Variants in CNTN5 observed in about 807,000 individuals in gnomAD.
CNTN5 encodes the protein contactin 5.
Under a neutral mutation model 129.1 loss-of-function variants are expected in CNTN5, and 77 were observed. The ratio of observed to expected loss-of-function variants is 0.60; its 90% CI spans 0.50 to 0.72. The LOEUF (loss-of-function observed/expected upper bound fraction) is 0.72. CNTN5 is among the 30% of genes least tolerant of loss of function. The pLI, the probability that CNTN5 is intolerant of heterozygous loss-of-function variation, is 0.00. For missense variants in CNTN5, 1,478 were observed against 1,328.8 expected (o/e 1.11, Z -1.75); for synonymous variants, 509 against 465.6 (o/e 1.09, Z -1.20).
At chr11:100,110,839 T>C (rs1040065322) in intron 13 of CNTN5, among the ~76,000 whole-genome samples, 1 of 152,124 alleles carries the variant, frequency 6.6e-6, no homozygotes, top group Non-Finnish European at 1.5e-5. Context: ...CAGCCTGGGA[T>C]GGTTTATTTG....
At chr11:99,512,268 C>T (rs1014014079) in intron 2 of CNTN5, among the ~76,000 whole-genome samples, 7 of 152,116 alleles carry the variant, frequency 4.6e-5, no homozygotes, top group African/African-American at 1.7e-4. Flanking sequence ...CATTGTCTTC[C>T]AATTGCCTAT....
At chr11:99,826,774 C>G (rs1349747540) in intron 4 of CNTN5, among the ~76,000 whole-genome samples, 1 of 152,058 alleles carries the variant, frequency 6.6e-6, no homozygotes, top group Non-Finnish European at 1.5e-5. Flanking sequence ...AAAATTTTAT[C>G]TGTGTTAACA....
chr11:99,391,153 G>A (rs1941239066), intron 2 of CNTN5, among the ~76,000 whole-genome samples: 1 of 151,962 alleles, frequency 6.6e-6, no homozygotes, highest in Non-Finnish European at 1.5e-5. Flanking sequence ...CAATGTGAAA[G>A]GTAAAGTCTC....
intron 1 of CNTN5, among the ~76,000 whole-genome samples, chr11:99,169,183 T>C (rs1173953171): frequency 2.0e-5 from 3 of 152,198 alleles, no homozygotes; most frequent in Non-Finnish European, 4.4e-5. Context: ...GCCCTTATTT[T>C]AGAAAACTTT....
chr11:99,887,146 T>C (rs1036266554), intron 6 of CNTN5, among the ~76,000 whole-genome samples: 1 of 152,244 alleles, frequency 6.6e-6, no homozygotes, highest in African/African-American at 2.4e-5. Context: ...TTTATTTCTT[T>C]ATGTTCATGT....
chr11:99,250,511 A>G (rs1177506417), intron 1 of CNTN5, among the ~76,000 whole-genome samples: 5 of 151,556 alleles, frequency 3.3e-5, no homozygotes, highest in African/African-American at 1.2e-4. Context: ...TAATGAAATC[A>G]GCTGTAGCAA....
chr11:99,537,682 G>T (rs894222063), intron 2 of CNTN5, among the ~76,000 whole-genome samples: 1 of 152,094 alleles, frequency 6.6e-6, no homozygotes, highest in Non-Finnish European at 1.5e-5. Flanking sequence ...AGCTCATGTT[G>T]TCTGTGGCAT....
At chr11:99,456,417 G>A (rs1591089772) in intron 2 of CNTN5, among the ~76,000 whole-genome samples, 1 of 152,108 alleles carries the variant, frequency 6.6e-6, no homozygotes, top group African/African-American at 2.4e-5. Context: ...ATATCGAAAA[G>A]TAAAACACAT....
At chr11:99,355,622 A>G (rs1938592860) in intron 2 of CNTN5, among the ~76,000 whole-genome samples, 1 of 152,136 alleles carries the variant, frequency 6.6e-6, no homozygotes, top group South Asian at 2.1e-4. Flanking sequence ...TTTTGTGCTC[A>G]TGCTTGTGAT....
chr11:100,186,587 A>G (rs1023445757), intron 13 of CNTN5, among the ~76,000 whole-genome samples: 2 of 152,152 alleles, frequency 1.3e-5, no homozygotes, highest in African/African-American at 4.8e-5. Context: ...AGGGCTAGAT[A>G]GAAACTTATG....
rs200042502 is a variant in CNTN5 at position 99,954,663 on chromosome 11, TG to T, written c.674-2142del. On this transcript the variant is annotated intron_variant, in intron 7 of 24. Coordinates refer to ENST00000524871, the MANE Select transcript of CNTN5 (RefSeq NM_014361.4). ...TACTTTGAAGGCAATATTAAATAAATGTGAATAGATAATTGAAAACCTTATA... is the reference window on the plus strand; with the variant it reads ...TACTTTGAAGGCAATATTAAATAAATTGAATAGATAATTGAAAACCTTATA... Among the ~76,000 whole-genome samples, 70 of 152,292 alleles carry T rather than the reference TG, an allele frequency of 4.6e-4. No individual in the cohort carries two copies. In the East Asian group the frequency reaches 0.013, roughly 28 times the overall value.
In CNTN5 at chr11:99,242,464, C is replaced by A. The variant is rs577958788; in HGVS notation, c.-209-82882C>A. 1.5e-4 allele frequency among the ~76,000 whole-genome samples: 23 copies of A among 152,164 alleles called. 1 individual carries two copies. The South Asian group carries it at 4.8e-3, about 32-fold the overall frequency. On this transcript the variant is annotated intron_variant, in intron 1 of 24. Transcript: ENST00000524871. Reference sequence around the variant, plus strand: ...TCTCCTGCCACAAGAATGTAAGCTCCATTAGGGCAAACTTTTTTTTTCTTT... The same window carrying A: ...TCTCCTGCCACAAGAATGTAAGCTCAATTAGGGCAAACTTTTTTTTTCTTT...
intron 3 of CNTN5, among the ~76,000 whole-genome samples, chr11:99,694,587 G>T (rs1954183516): frequency 6.6e-6 from 1 of 151,982 alleles, no homozygotes; most frequent in Non-Finnish European, 1.5e-5. Context: ...TGTTACTTAG[G>T]TATACACGTG....
rs183967672 is a variant in CNTN5 at position 99,621,081 on chromosome 11, G to A, written c.55+64812G>A. On this transcript the variant is annotated intron_variant, in intron 3 of 24. Transcript: ENST00000524871. ...TGGAGTACGGCGTCTGTGGTAGAAC[G>A]GGCAACTATAATACAAAGATACTTA... Among the ~76,000 whole-genome samples the A allele has an allele frequency of 3.5e-3, 528 of 152,100 alleles. 3 individuals carry two copies. The highest frequency in any genetic ancestry group is 0.012 in the African/African-American group (503 of 41,486).
At chr11:100,338,191 A>G (rs540905934) in intron 21 of CNTN5, among the ~76,000 whole-genome samples, 2 of 152,254 alleles carry the variant, frequency 1.3e-5, no homozygotes, top group African/African-American at 4.8e-5. Flanking sequence ...TCCTCCTTCC[A>G]TTTCTTGTTC....
intron 8 of CNTN5, among the ~76,000 whole-genome samples, chr11:99,993,838 G>A (rs1020708072): frequency 2.0e-5 from 3 of 152,050 alleles, no homozygotes; most frequent in Admixed American, 6.6e-5. Flanking sequence ...TTTGTTAAAT[G>A]GCAAGATGTC....
intron 1 of CNTN5, 138 bp from the exon 2 acceptor site, chr11:99,325,208 G>A (rs1405962953): frequency 6.6e-6 from 1 of 151,880 alleles, no homozygotes; most frequent in African/African-American, 2.4e-5. Flanking sequence ...GTTTATATGG[G>A]TAAAAAGCAT....
chr11:99,858,121 T>C (rs1948096745), intron 6 of CNTN5, among the ~76,000 whole-genome samples: 1 of 152,136 alleles, frequency 6.6e-6, no homozygotes, highest in African/African-American at 2.4e-5. Context: ...AAAATGAAAG[T>C]GTTTATGTCA....
chr11:99,263,195 A>C (rs931298850), intron 1 of CNTN5, among the ~76,000 whole-genome samples: 1 of 152,028 alleles, frequency 6.6e-6, no homozygotes, highest in African/African-American at 2.4e-5. Context: ...GCTCCTTTTC[A>C]TGTAAGGTGT....
Sources: allele counts gnomAD v4.1 joint callset (sites outside exome capture counted in the v4.1 genomes callset), GRCh38; gene constraint gnomAD v4.1.1; transcripts MANE v1.5; gene names NCBI Gene and HGNC (gene_info 2026-07-23, HGNC 2026-07-21).